INPP5D: variants seen among roughly 807,000 people sequenced by gnomAD.
INPP5D encodes inositol polyphosphate-5-phosphatase D.
A neutral mutation model predicts 122.9 loss-of-function variants in INPP5D; 33 were observed. That is an observed-to-expected ratio of 0.27 (90% CI 0.20 to 0.36). The LOEUF is 0.36. Among genes scored for constraint, INPP5D ranks in the 10% least tolerant of loss-of-function variants. The pLI is 1.00. For synonymous variants in INPP5D, 584 were observed against 576.2 expected, an observed-to-expected ratio of 1.01 and a Z score of -0.19; for missense variants, 1,053 against 1,412.7, an observed-to-expected ratio of 0.75 and a Z score of 4.08.
chr2:233,074,335 G>A (rs1455386017), intron 1 of INPP5D, among the ~76,000 whole-genome samples: 4 of 152,138 alleles, frequency 2.6e-5, no homozygotes, highest in African/African-American at 9.7e-5. Flanking sequence ...GGAATAGCCC[G>A]CTGGACCCTC....
chr2:233,204,597 G>A lies in INPP5D; in HGVS notation c.3447G>A (p.Ala1149=), dbSNP rs1435929222. Residue 1149 remains alanine (A), a synonymous_variant, in exon 26 of 27, where the codon GCG becomes GCA. Coordinates refer to ENST00000445964, the MANE Select transcript of INPP5D (RefSeq NM_001017915.3). ...CGCCGCTGCCAGTCAAGAGCCCGGCGGTGCTGCACCTCCAGCACTCCAAGG... is the reference window on the plus strand; with the variant it reads ...CGCCGCTGCCAGTCAAGAGCCCGGCAGTGCTGCACCTCCAGCACTCCAAGG... ...PRPPLPVKSP[A]VLHLQHSKGR... is the part of the protein sequence containing the mutation. 3.2e-6 allele frequency: 5 copies of A among 1,569,736 alleles called. No homozygotes were observed. The highest frequency in any genetic ancestry group is 4.3e-6 in the Non-Finnish European group (5 of 1,158,880).
intron 2 of INPP5D, among the ~76,000 whole-genome samples, chr2:233,117,030 G>C (rs1262503787): frequency 3.3e-5 from 5 of 152,238 alleles, no homozygotes; most frequent in Admixed American, 6.5e-5. Context: ...GGAAAAGGGA[G>C]AGTTGCCACG....
intron 14 of INPP5D, 93 bp from the exon 15 acceptor site, chr2:233,169,933 C>A: frequency 6.3e-7 from 1 of 1,590,034 alleles, no homozygotes; most frequent in Non-Finnish European, 8.6e-7. Context: ...TGCTATGCTC[C>A]TCGCCCCACA....
rs1281095265 is a variant in INPP5D, at chr2:233,158,391, G to A, written c.1109G>A (p.Arg370Gln). 1.3e-5 allele frequency: 9 copies of A among 703,646 alleles called. No homozygotes were observed. Among genetic ancestry groups the A allele is most frequent in the African/African-American group, 5.2e-5 (3 of 57,206 alleles). The allele number at this position is 703,646 out of a possible 1,614,324, so 43.6% of individuals were successfully genotyped here. ...GAAACAGAGAAGGAGAAGATCCTGCGGAAGGAATATGTTTTTGCTGACTCC... is the reference window on the plus strand; with the variant it reads ...GAAACAGAGAAGGAGAAGATCCTGCAGAAGGAATATGTTTTTGCTGACTCC... ...LVETEKEKIL[R>Q]KEYVFADSKK... is the part of the protein sequence containing the mutation. The change falls in exon 10 of 27, where the codon CGG (arginine) becomes CAG (glutamine). Residue 370 changes from arginine (R) to glutamine (Q), a missense_variant. Arg to Gln is a conservative substitution (Grantham distance 43). Transcript: ENST00000445964.
Position 233,082,020 on chromosome 2 carries a change from C to T in INPP5D, c.198+2622C>T, listed in dbSNP as rs1691705297. Among the ~76,000 whole-genome samples the T allele has an allele frequency of 6.6e-6, 1 of 152,174 alleles. No individual in the cohort carries two copies. The highest frequency in any genetic ancestry group is 2.4e-5 in the African/African-American group (1 of 41,452). ...GCAGCGTGCCTCCTTAAGGTCTCCGCTTAGCCAGGACAGTGGGCGGGCAGC... is the reference window on the plus strand; with the variant it reads ...GCAGCGTGCCTCCTTAAGGTCTCCGTTTAGCCAGGACAGTGGGCGGGCAGC... On this transcript the variant is annotated intron_variant, in intron 2 of 26. Coordinates refer to ENST00000445964, the MANE Select transcript of INPP5D (RefSeq NM_001017915.3). This position sits in a 1 kb window ranked among gnomAD's most constrained non-coding sequence, Gnocchi z 4.7.
intron 2 of INPP5D, among the ~76,000 whole-genome samples, chr2:233,111,712 G>C (rs11902349): frequency 6.6e-6 from 1 of 152,206 alleles, no homozygotes; most frequent in African/African-American, 2.4e-5. Flanking sequence ...ACTTGGTTAA[G>C]CTGGTGGCTG....
intron 25 of INPP5D, among the ~76,000 whole-genome samples, chr2:233,203,499 T>A (rs2106329635): frequency 6.6e-6 from 1 of 152,358 alleles, no homozygotes; most frequent in South Asian, 2.1e-4. Context: ...ACTGAGGCTG[T>A]CTTTGAGGAC....
intron 8 of INPP5D, among the ~76,000 whole-genome samples, chr2:233,146,991 G>A (rs1277852429): frequency 6.6e-6 from 1 of 152,082 alleles, no homozygotes; most frequent in Non-Finnish European, 1.5e-5. Flanking sequence ...TAGACCTGGT[G>A]ATTATCCTCT....
At chr2:233,190,667 A>G (rs1399517398) in intron 22 of INPP5D, among the ~76,000 whole-genome samples, 3 of 152,170 alleles carry the variant, frequency 2.0e-5, no homozygotes, top group Non-Finnish European at 4.4e-5. Context: ...CTTTTGTACC[A>G]TCTCTGCCTG....
chr2:233,104,406 G>C (rs145104530), intron 2 of INPP5D, among the ~76,000 whole-genome samples: 2 of 152,240 alleles, frequency 1.3e-5, no homozygotes, highest in South Asian at 2.1e-4. Context: ...CAATGCTGAG[G>C]CTTCTTTGCA....
chr2:233,108,849 C>T (rs1418666998), intron 2 of INPP5D, among the ~76,000 whole-genome samples: 2 of 152,216 alleles, frequency 1.3e-5, no homozygotes, highest in East Asian at 3.8e-4. Context: ...GGGTCACTGT[C>T]CCAGCCTAGG....
Position 233,170,905 on chromosome 2 carries a change from CAA to C in INPP5D, c.1901-141_1901-140del, listed in dbSNP as rs546215336. ...TGGCCAACAAAGACAGACTCCGTCTCAAAAAAAAAAAAAAAAAAAGCAGCAGC... is the reference window on the plus strand; with the variant it reads ...TGGCCAACAAAGACAGACTCCGTCTCAAAAAAAAAAAAAAAAAGCAGCAGC... On this transcript the variant is annotated intron_variant, in intron 16 of 26. Coordinates refer to ENST00000445964, the MANE Select transcript of INPP5D (RefSeq NM_001017915.3). This position sits in a 1 kb window ranked among gnomAD's most constrained non-coding sequence, Gnocchi z 4.5. Among the ~76,000 whole-genome samples, 27,034 of 109,708 alleles carry C rather than the reference CAA, an allele frequency of 0.25. 2,906 individuals carry two copies. The highest frequency in any genetic ancestry group is 0.44 in the East Asian group (1,760 of 4,036). The allele number at this position is 109,708 out of a possible 152,430, so 72.0% of individuals were successfully genotyped here.
At chr2:233,089,268 C>T (rs1247445588) in intron 2 of INPP5D, among the ~76,000 whole-genome samples, 1 of 152,214 alleles carries the variant, frequency 6.6e-6, no homozygotes, top group Admixed American at 6.5e-5. Context: ...TGTTGAGCCC[C>T]TGTCAGGAGC....
intron 9 of INPP5D, among the ~76,000 whole-genome samples, chr2:233,156,859 G>A (rs1049314174): frequency 1.3e-5 from 2 of 152,216 alleles, no homozygotes; most frequent in African/African-American, 4.8e-5. Context: ...TCAGCTCTGG[G>A]AGTGGTGGGA....
intron 2 of INPP5D, among the ~76,000 whole-genome samples, chr2:233,113,515 C>T (rs7602833): frequency 0.15 from 22,777 of 152,030 alleles, 2,065 homozygotes; most frequent in African/African-American, 0.25. Context: ...ATTTTGGAGT[C>T]CATTCAAAGC....
chr2:233,163,896 T>C lies in INPP5D; in HGVS notation c.1430T>C (p.Phe477Ser), dbSNP rs1430876958. The C allele has an allele frequency of 6.2e-7, 1 of 1,613,696 alleles. No individual in the cohort carries two copies. Among genetic ancestry groups the C allele is most frequent in the Non-Finnish European group, 8.5e-7 (1 of 1,179,708 alleles). The stretch of plus-strand genomic sequence containing the variant: ...CTGCAAGAAATCACCAGTGTGACTT[T>C]TAAAACAGTGAGCAGCTGGCTGCAC... ...HSLQEITSVT[F>S]KTVAIHTLWN... The change falls in exon 12 of 27, where the codon TTT (phenylalanine) becomes TCT (serine). Residue 477 changes from phenylalanine to serine, a missense_variant. Physicochemically the swap from Phe to Ser is radical, Grantham distance 155. Transcript: ENST00000445964.
At chr2:233,167,898 C>T (rs1694387343) in intron 13 of INPP5D, among the ~76,000 whole-genome samples, 1 of 150,352 alleles carries the variant, frequency 6.7e-6, no homozygotes, top group Middle Eastern at 3.2e-3. Flanking sequence ...CCAGCTACTC[C>T]TGAGGCAGAG....
At chr2:233,065,483 T>TG (rs371569640) in intron 1 of INPP5D, among the ~76,000 whole-genome samples, 26 of 150,422 alleles carry the variant, frequency 1.7e-4, no homozygotes, top group African/African-American at 5.1e-4. Context: ...AATTTTTTTT[T>TG]TGTGTTATCC....
chr2:233,164,066 C>A lies in INPP5D; in HGVS notation c.1437+163C>A. ...GTCTGTATTCAGAAATAAATGGGAT[C>A]TGTGGGGTATTGCTGAAAACCACTG... On this transcript the variant is annotated intron_variant, in intron 12 of 26. Transcript: ENST00000445964. This position sits in a 1 kb window ranked among gnomAD's most constrained non-coding sequence, Gnocchi z 4.3. 1 of 1,392,418 alleles carries A rather than the reference C, an allele frequency of 7.2e-7. No individual in the cohort carries two copies. The highest frequency in any genetic ancestry group is 9.5e-7 in the Non-Finnish European group (1 of 1,056,708). The allele number at this position is 1,392,418 out of a possible 1,614,324, so 86.3% of individuals were successfully genotyped here.
Sources: gnomAD v4.1 joint callset for allele counts (sites outside exome capture counted in the v4.1 genomes callset) on GRCh38, gnomAD v4.1.1 for gene constraint, Gnocchi (gnomAD v3.1) non-coding constraint, MANE v1.5 for transcripts, NCBI Gene and HGNC (gene_info 2026-07-23, HGNC 2026-07-21) for gene names.